Variants in PRKG1 observed in about 807,000 individuals in gnomAD.
The protein encoded by PRKG1 is cGMP-dependent protein kinase 1.
In PRKG1, 35 loss-of-function variants were observed where a neutral mutation model predicts 88.1. The observed-to-expected ratio is 0.40, with a 90% CI of 0.30 to 0.53. The LOEUF is 0.53. PRKG1 is among the 20% of genes least tolerant of loss of function. PRKG1 has a pLI of 0.59. For missense variants in PRKG1, 540 were observed against 839.8 expected (o/e 0.64, Z 4.41); for synonymous variants, 303 against 292.5 (o/e 1.04, Z -0.37).
intron 4 of PRKG1, among the ~76,000 whole-genome samples, chr10:51,887,857 G>A (rs954733464): frequency 6.6e-6 from 1 of 152,172 alleles, no homozygotes; most frequent in Non-Finnish European, 1.5e-5. Context: ...TATGAGATAG[G>A]TGGTAGCCAG....
At chr10:51,833,542 A>C (rs1034208330) in intron 4 of PRKG1, among the ~76,000 whole-genome samples, 1 of 152,192 alleles carries the variant, frequency 6.6e-6, no homozygotes, top group Non-Finnish European at 1.5e-5. Context: ...TGGAAACGTG[A>C]ATCTTTATTT....
At chr10:51,035,758 G>A (rs1425989817) in intron 1 of PRKG1, among the ~76,000 whole-genome samples, 2 of 151,808 alleles carry the variant, frequency 1.3e-5, no homozygotes, top group South Asian at 2.1e-4. Context: ...TGGAAACAAC[G>A]GAGCTTAAAA....
rs145244198 is a variant in PRKG1 at position 51,899,066 on chromosome 10, AG to A, written c.699-8440del. Among the ~76,000 whole-genome samples the A allele has an allele frequency of 5.2e-3, 791 of 152,214 alleles. 2 individuals carry two copies. Among genetic ancestry groups the A allele is most frequent in the Middle Eastern group, 0.021 (6 of 290 alleles). On this transcript the variant is annotated intron_variant, in intron 4 of 17. Coordinates refer to ENST00000373980, the MANE Select transcript of PRKG1 (RefSeq NM_006258.4). ...CAAAGCTCTATTCACAATTGTAAGA[AG>A]TTTCTGTAAAATGTAATAATTCCAT... is the stretch of plus-strand genomic sequence containing the variant.
chr10:51,178,136 G>A (rs1837246943), intron 2 of PRKG1, among the ~76,000 whole-genome samples: 1 of 152,068 alleles, frequency 6.6e-6, no homozygotes, highest in African/African-American at 2.4e-5. Context: ...ACAGTTGACA[G>A]GAGGGAGAAA....
chr10:51,858,156 A>ATG (rs1248638747), intron 4 of PRKG1, among the ~76,000 whole-genome samples: 1 of 17,188 alleles, frequency 5.8e-5, no homozygotes, highest in African/African-American at 3.2e-4. Context: ...CATATATATA[A>ATG]TATATATTAT....
chr10:51,699,124 C>T, intron 3 of PRKG1: 1 of 1,614,226 alleles, frequency 6.2e-7, no homozygotes, highest in South Asian at 1.1e-5. Flanking sequence ...GCTTCATCAG[C>T]TCAAACATCT....
rs1846076483 is a variant in PRKG1 at position 52,054,990 on chromosome 10, G to A, written c.840+429G>A. Among the ~76,000 whole-genome samples the A allele has an allele frequency of 3.9e-5, 6 of 152,098 alleles. 1 individual carries two copies. Among genetic ancestry groups the A allele is most frequent in the Admixed American group, 3.9e-4 (6 of 15,260 alleles). ...TCTATACAAAAAATAGAAAAAATTA[G>A]CTGGGCATGGTGGTGCATGCCTGTC... On this transcript the variant is annotated intron_variant, in intron 6 of 17. Coordinates refer to ENST00000373980, the MANE Select transcript of PRKG1 (RefSeq NM_006258.4).
chr10:51,921,542 G>A lies in PRKG1; in HGVS notation c.762+13972G>A, dbSNP rs1300227876. Among the ~76,000 whole-genome samples, 5 of 152,032 alleles carry A rather than the reference G, an allele frequency of 3.3e-5. No homozygotes were observed. The East Asian group carries it at 9.6e-4, about 29-fold the overall frequency. On this transcript the variant is annotated intron_variant, in intron 5 of 17. Coordinates refer to ENST00000373980, the MANE Select transcript of PRKG1 (RefSeq NM_006258.4). ...CTCACTGTTAAGTATGTTAGCCGTAGGCTCTTTGTAGTTTTTTGTTGCTGT... is the reference window on the plus strand; with the variant it reads ...CTCACTGTTAAGTATGTTAGCCGTAAGCTCTTTGTAGTTTTTTGTTGCTGT...
chr10:51,882,832 G>A (rs1220421678), intron 4 of PRKG1, among the ~76,000 whole-genome samples: 2 of 152,196 alleles, frequency 1.3e-5, no homozygotes, highest in South Asian at 2.1e-4. Context: ...GGTCAGATAT[G>A]TATGAGTACT....
At chr10:51,358,109 A>AG (rs1399076135) in intron 2 of PRKG1, among the ~76,000 whole-genome samples, 16 of 151,812 alleles carry the variant, frequency 1.1e-4, no homozygotes, top group African/African-American at 3.6e-4. Context: ...TGCTCAGCTG[A>AG]GGGGGTCATG....
intron 3 of PRKG1, among the ~76,000 whole-genome samples, chr10:51,718,177 A>G (rs181383178): frequency 5.2e-5 from 8 of 152,390 alleles, no homozygotes; most frequent in African/African-American, 1.9e-4. Context: ...GCTACTATGT[A>G]AAGAATATAA....
chr10:51,528,026 T>C (rs1841924751), intron 3 of PRKG1, among the ~76,000 whole-genome samples: 2 of 152,160 alleles, frequency 1.3e-5, no homozygotes, highest in Non-Finnish European at 2.9e-5. Flanking sequence ...ACCCACAGCG[T>C]GGTGGTTTAT....
At chr10:51,737,740 A>ATT (rs765792966) in intron 3 of PRKG1, among the ~76,000 whole-genome samples, 4,093 of 133,198 alleles carry the variant, frequency 0.031, 89 homozygotes, top group Admixed American at 0.054. Context: ...TTTATTTATT[A>ATT]ATTATTATTA....
chr10:51,186,984 G>A (rs7067814), intron 2 of PRKG1, among the ~76,000 whole-genome samples: 5,446 of 117,840 alleles, frequency 0.046, 240 homozygotes, highest in African/African-American at 0.12. Flanking sequence ...ATATATATAT[G>A]TATATATATA....
chr10:51,975,423 G>A (rs536218893), intron 5 of PRKG1, among the ~76,000 whole-genome samples: 1 of 152,004 alleles, frequency 6.6e-6, no homozygotes, highest in East Asian at 1.9e-4. Flanking sequence ...TCAGAAAGCA[G>A]TAATCAAAAC....
intron 5 of PRKG1, among the ~76,000 whole-genome samples, chr10:52,001,618 G>T (rs141615726): frequency 1.5e-3 from 223 of 151,580 alleles, no homozygotes; most frequent in African/African-American, 5.1e-3. Context: ...TTAAATATAA[G>T]ACTCTCTATC....
rs369907638 is a variant in PRKG1, at chr10:51,523,165, C to T, written c.592+55329C>T. On this transcript the variant is annotated intron_variant, in intron 3 of 17. Transcript: ENST00000373980. Reference sequence around the variant, plus strand: ...TCTTTAAAATAGCAATGTTAGGAATCAGAGGGTGAGATTCAGCATTTCAAT... The same window carrying T: ...TCTTTAAAATAGCAATGTTAGGAATTAGAGGGTGAGATTCAGCATTTCAAT... 5.9e-5 allele frequency among the ~76,000 whole-genome samples: 9 copies of T among 152,080 alleles called. No homozygotes were observed. In the South Asian group the frequency reaches 1.9e-3, roughly 32 times the overall value.
intron 3 of PRKG1, among the ~76,000 whole-genome samples, chr10:51,757,574 TAG>T (rs1383137039): frequency 1.3e-5 from 2 of 152,118 alleles, no homozygotes; most frequent in Non-Finnish European, 2.9e-5. Flanking sequence ...TAAAATAATG[TAG>T]AGTTGAGTTG....
chr10:52,233,667 C>T (rs1840590584), intron 9 of PRKG1, among the ~76,000 whole-genome samples: 1 of 139,858 alleles, frequency 7.2e-6, no homozygotes, highest in Non-Finnish European at 1.6e-5. Context: ...GGTCCTATGC[C>T]CACGGAATCT....
Sources: allele counts gnomAD v4.1 joint callset (sites outside exome capture counted in the v4.1 genomes callset), GRCh38; gene constraint gnomAD v4.1.1; transcripts MANE v1.5; gene names NCBI Gene and HGNC (gene_info 2026-07-23, HGNC 2026-07-21).